The following IQANK1 variants were observed in gnomAD, a reference collection of about 807,000 sequenced individuals.
IQANK1 encodes the protein IQ motif and ankyrin repeat containing 1.
A neutral mutation model predicts 22.6 loss-of-function variants in IQANK1; 30 were observed. The observed-to-expected ratio is 1.33, with a 90% CI of 0.99 to 1.80. The LOEUF is 1.80. Among genes scored for constraint, IQANK1 ranks in the 40% most tolerant of loss-of-function variants. The pLI is 0.00. For missense variants in IQANK1, 275 were observed against 235.2 expected, an observed-to-expected ratio of 1.17 and a Z score of -1.11; for synonymous variants, 122 against 99.6, an observed-to-expected ratio of 1.23 and a Z score of -1.34.
intron 3 of IQANK1, among the ~76,000 whole-genome samples, chr8:143,756,384 T>C (rs1554628473): frequency 2.0e-5 from 3 of 152,102 alleles, no homozygotes; most frequent in African/African-American, 7.2e-5. Context: ...CAGGTGACCA[T>C]GAGGAGCTTC....
At position 143,789,930 on chromosome 8, in the gene IQANK1, C is replaced by T. The variant is rs995340158; in HGVS notation, c.1196-41C>T. ...ACATACAGCCCAGGGCGGGGTCCGG[C>T]GTCGGGCTTGCCTGTCAGCTGCACT... On this transcript the variant is annotated intron_variant, in intron 11 of 13. Coordinates refer to ENST00000527139, the MANE Select transcript of IQANK1 (RefSeq NM_001381874.1). 19 of 1,231,752 alleles carry T rather than the reference C, an allele frequency of 1.5e-5. No individual in the cohort carries two copies. The Admixed American group carries it at 2.5e-4, about 16-fold the overall frequency. 76.3% of individuals were successfully genotyped at this position (1,231,752 alleles called of 1,614,324 possible). A position where few individuals can be genotyped will look rare whatever the true frequency, so the allele number is the denominator to read the frequency against.
intron 3 of IQANK1, chr8:143,742,532 T>G (rs1233299693): frequency 2.2e-6 from 1 of 455,922 alleles, no homozygotes; most frequent in Non-Finnish European, 4.4e-6. Flanking sequence ...CACAAACACC[T>G]TTTCCACCAC....
At chr8:143,749,420 A>C (rs1305972661) in intron 3 of IQANK1, among the ~76,000 whole-genome samples, 1 of 130,002 alleles carries the variant, frequency 7.7e-6, no homozygotes, top group Non-Finnish European at 1.5e-5. Flanking sequence ...TATATAATAT[A>C]TACATATATC....
At chr8:143,788,250 C>T (rs1295267112) in intron 7 of IQANK1, among the ~76,000 whole-genome samples, 1 of 152,238 alleles carries the variant, frequency 6.6e-6, no homozygotes, top group Non-Finnish European at 1.5e-5. Context: ...CCACCAGGCG[C>T]ATGTGGACCT....
In IQANK1 at chr8:143,772,495, G is replaced by A; in HGVS notation, c.789+13G>A. 1 of 399,428 alleles carries A rather than the reference G, an allele frequency of 2.5e-6. No homozygotes were observed. The highest frequency in any genetic ancestry group is 4.4e-6 in the Non-Finnish European group (1 of 226,418). The allele number at this position is 399,428 out of a possible 1,614,324, so 24.7% of individuals were successfully genotyped here. Reference sequence around the variant, plus strand: ...CACCCCTGAGCGGGTGTGGACCCCAGAGGTGTGGGCCCCGGGAGGTGTGAG... The same window carrying A: ...CACCCCTGAGCGGGTGTGGACCCCAAAGGTGTGGGCCCCGGGAGGTGTGAG... On this transcript the variant is annotated intron_variant, in intron 7 of 13. Transcript: ENST00000527139.
intron 3 of IQANK1, among the ~76,000 whole-genome samples, chr8:143,740,818 C>T (rs1433206453): frequency 6.6e-6 from 1 of 152,254 alleles, no homozygotes; most frequent in Non-Finnish European, 1.5e-5. Flanking sequence ...AGGAGCCTGA[C>T]CCTGTCCTGA....
chr8:143,786,273 G>A (rs1819887159), intron 7 of IQANK1, among the ~76,000 whole-genome samples: 1 of 152,168 alleles, frequency 6.6e-6, no homozygotes, highest in Non-Finnish European at 1.5e-5. Context: ...CAGCGGTCTG[G>A]AGTCACTTCA....
At chr8:143,762,378 T>C (rs1436975483) in intron 3 of IQANK1, among the ~76,000 whole-genome samples, 1 of 152,118 alleles carries the variant, frequency 6.6e-6, no homozygotes, top group Non-Finnish European at 1.5e-5. Flanking sequence ...GACCACAGTG[T>C]AGACGGCTGG....
chr8:143,761,695 C>G (rs997795162), intron 3 of IQANK1, among the ~76,000 whole-genome samples: 1 of 152,036 alleles, frequency 6.6e-6, no homozygotes, highest in African/African-American at 2.4e-5. Context: ...CCAGGGAGGT[C>G]GAGGCTGCAG....
At chr8:143,747,525 G>A (rs951884603) in intron 3 of IQANK1, among the ~76,000 whole-genome samples, 1 of 152,070 alleles carries the variant, frequency 6.6e-6, no homozygotes. Context: ...CCTTAGCACT[G>A]CTTTTGCTGC....
At chr8:143,767,393 C>T (rs1819499329) in intron 3 of IQANK1, among the ~76,000 whole-genome samples, 1 of 152,112 alleles carries the variant, frequency 6.6e-6, no homozygotes, top group African/African-American at 2.4e-5. Context: ...TTGTGTGTAT[C>T]TTTGTCAGAT....
intron 3 of IQANK1, among the ~76,000 whole-genome samples, chr8:143,749,207 T>TA (rs1474935718): frequency 3.4e-4 from 41 of 121,610 alleles, no homozygotes; most frequent in African/African-American, 1.4e-3. Context: ...TATAAATATA[T>TA]CATATATATC....
intron 3 of IQANK1, among the ~76,000 whole-genome samples, chr8:143,749,477 T>C (rs1208466165): frequency 7.4e-6 from 1 of 135,100 alleles, no homozygotes; most frequent in East Asian, 2.0e-4. Flanking sequence ...TATAAATATA[T>C]GTATAAATAT....
At position 143,742,175 on chromosome 8, in the gene IQANK1, C is replaced by T. The variant is rs1216812911; in HGVS notation, c.175+2227C>T. The T allele has an allele frequency of 2.8e-5, 10 of 355,756 alleles. 2 individuals are homozygous for T. The Admixed American group carries it at 3.7e-4, about 13-fold the overall frequency. 22.0% of individuals were successfully genotyped at this position (355,756 alleles called of 1,614,324 possible). A position where few individuals can be genotyped will look rare whatever the true frequency, so the allele number is the denominator to read the frequency against. ...AGCCTTTCCCAGCTGTCCGCATCAC[C>T]ACTGTCCCGGGCTCGTTCACTTCAG... On this transcript the variant is annotated intron_variant, in intron 3 of 13. Coordinates refer to ENST00000527139, the MANE Select transcript of IQANK1 (RefSeq NM_001381874.1).
intron 3 of IQANK1, among the ~76,000 whole-genome samples, chr8:143,743,682 C>A (rs926866841): frequency 1.3e-5 from 2 of 152,176 alleles, no homozygotes; most frequent in Admixed American, 1.3e-4. Flanking sequence ...GAACACGAAG[C>A]CTGCTTCAGA....
intron 3 of IQANK1, among the ~76,000 whole-genome samples, chr8:143,766,965 C>T (rs1278563467): frequency 6.6e-6 from 1 of 152,252 alleles, no homozygotes; most frequent in Non-Finnish European, 1.5e-5. Context: ...GCTCTGTAGG[C>T]CCCCTGGCCA....
In IQANK1 at chr8:143,771,333, G is replaced by C. The variant is rs1819566531; in HGVS notation, c.176-155G>C. Among the ~76,000 whole-genome samples the C allele has an allele frequency of 6.6e-6, 1 of 150,666 alleles. No individual in the cohort carries two copies. The highest frequency in any genetic ancestry group is 2.4e-5 in the African/African-American group (1 of 41,178). On this transcript the variant is annotated intron_variant, in intron 3 of 13. Coordinates refer to ENST00000527139, the MANE Select transcript of IQANK1 (RefSeq NM_001381874.1). This position sits in a 1 kb window ranked among gnomAD's most constrained non-coding sequence, Gnocchi z 6.0. The stretch of plus-strand genomic sequence containing the variant: ...CAGCCTCCTCGTGCGGCCTCTGCGG[G>C]CGGGAACCCCGGCTCGGCCGCGCTG...
At chr8:143,740,739 C>T (rs2129774817) in intron 3 of IQANK1, among the ~76,000 whole-genome samples, 1 of 152,342 alleles carries the variant, frequency 6.6e-6, no homozygotes, top group Non-Finnish European at 1.5e-5. Context: ...TCCTCCCCAG[C>T]CCAGGCCCGG....
chr8:143,753,093 T>C (rs894343048), intron 3 of IQANK1, among the ~76,000 whole-genome samples: 6 of 135,242 alleles, frequency 4.4e-5, no homozygotes, highest in Admixed American at 2.7e-4. Flanking sequence ...AACCTTGACC[T>C]CCTGGGCTTA....
Sources: gnomAD v4.1 joint callset for allele counts (sites outside exome capture counted in the v4.1 genomes callset) on GRCh38, gnomAD v4.1.1 for gene constraint, Gnocchi (gnomAD v3.1) non-coding constraint, MANE v1.5 for transcripts, NCBI Gene and HGNC (gene_info 2026-07-23, HGNC 2026-07-21) for gene names.